Variants in SNTG1 observed in about 807,000 individuals in gnomAD.
SNTG1 encodes syntrophin gamma 1, also known as gamma-1-syntrophin.
A neutral mutation model predicts 74.7 loss-of-function variants in SNTG1; 39 were observed. That is an observed-to-expected ratio of 0.52 (90% CI 0.40 to 0.68). The LOEUF is 0.68. Among genes scored for constraint, SNTG1 ranks in the 30% least tolerant of loss-of-function variants. SNTG1 has a pLI of 0.00. For synonymous variants in SNTG1, 254 were observed against 217.1 expected, an observed-to-expected ratio of 1.17 and a Z score of -1.49; for missense variants, 685 against 609.5, an observed-to-expected ratio of 1.12 and a Z score of -1.30.
At position 50,119,767 on chromosome 8, in the gene SNTG1, G is replaced by A. The variant is rs527724244; in HGVS notation, c.-102-52794G>A. Reference sequence around the variant, plus strand: ...TACCCCTATCAGATGAGAAACTGAGGCATAGGGAAATTAAAGAAGTTGTTC... The same window carrying A: ...TACCCCTATCAGATGAGAAACTGAGACATAGGGAAATTAAAGAAGTTGTTC... On this transcript the variant is annotated intron_variant, in intron 1 of 18. Coordinates refer to ENST00000642720, the MANE Select transcript of SNTG1 (RefSeq NM_018967.5). Among the ~76,000 whole-genome samples, 129 of 141,314 alleles carry A rather than the reference G, an allele frequency of 9.1e-4. 9 individuals carry two copies. Among genetic ancestry groups the A allele is most frequent in the African/African-American group, 3.2e-3 (126 of 39,190 alleles). 92.7% of individuals were successfully genotyped at this position (141,314 alleles called of 152,430 possible).
chr8:50,638,570 T>C (rs906052779), intron 13 of SNTG1, among the ~76,000 whole-genome samples: 3 of 152,132 alleles, frequency 2.0e-5, no homozygotes, highest in African/African-American at 7.2e-5. Flanking sequence ...TGTGCCTCTA[T>C]GTCTTAACAG....
In SNTG1 at chr8:50,516,484, A is replaced by G. The variant is rs184298763; in HGVS notation, c.466+13604A>G. 7.2e-5 allele frequency among the ~76,000 whole-genome samples: 11 copies of G among 151,948 alleles called. No homozygotes were observed. In the East Asian group the frequency reaches 1.9e-3, roughly 27 times the overall value. On this transcript the variant is annotated intron_variant, in intron 9 of 18. Coordinates refer to ENST00000642720, the MANE Select transcript of SNTG1 (RefSeq NM_018967.5). ...AGTAGTAGTCTTCAGAAGGTGGGTA[A>G]TAACAAACTCCTCTGAGCTAAGGGA...
chr8:50,550,180 C>T (rs1015945501), intron 11 of SNTG1, among the ~76,000 whole-genome samples: 2 of 152,132 alleles, frequency 1.3e-5, no homozygotes, highest in African/African-American at 4.8e-5. Context: ...ACAAATCTAG[C>T]CACTCTGGCC....
At chr8:49,910,914 G>T (rs1173637589), upstream of SNTG1, 1 of 152,294 alleles carries the variant, frequency 6.6e-6, no homozygotes, top group Non-Finnish European at 1.5e-5. Context: ...TGGGCGACTC[G>T]CTAGCACTGC....
intron 15 of SNTG1, among the ~76,000 whole-genome samples, chr8:50,663,022 A>G (rs1252775145): frequency 3.3e-5 from 5 of 152,122 alleles, no homozygotes; most frequent in Admixed American, 1.3e-4. Flanking sequence ...GGCATTTTGG[A>G]GGAGGCTTTT....
At chr8:50,205,029 T>C (rs2084154360) in intron 2 of SNTG1, among the ~76,000 whole-genome samples, 1 of 152,194 alleles carries the variant, frequency 6.6e-6, no homozygotes, top group African/African-American at 2.4e-5. Context: ...GCAATAAACA[T>C]ACGTGTGCAT....
rs6472985 is a variant in SNTG1 at position 50,206,407 on chromosome 8, A to C, written c.-28+33772A>C. The stretch of plus-strand genomic sequence containing the variant: ...TGTGTAAGAATGCTTGTGATTTTTG[A>C]ACATTGATTTTGTATCCTGAGACTG... On this transcript the variant is annotated intron_variant, in intron 2 of 18. Coordinates refer to ENST00000642720, the MANE Select transcript of SNTG1 (RefSeq NM_018967.5). 9.9e-3 allele frequency among the ~76,000 whole-genome samples: 1,510 copies of C among 151,994 alleles called. 32 individuals are homozygous for C. The highest frequency in any genetic ancestry group is 0.035 in the African/African-American group (1,445 of 41,496).
At chr8:50,408,138 A>T (rs2092903133) in intron 4 of SNTG1, among the ~76,000 whole-genome samples, 2 of 152,212 alleles carry the variant, frequency 1.3e-5, no homozygotes, top group South Asian at 4.1e-4. Flanking sequence ...ATGTCTTAGC[A>T]GAAATCAGGT....
At chr8:50,058,187 C>A (rs1820186130) in intron 1 of SNTG1, among the ~76,000 whole-genome samples, 2 of 152,076 alleles carry the variant, frequency 1.3e-5, no homozygotes, top group Admixed American at 1.3e-4. Flanking sequence ...CCACCAGAGG[C>A]ACTTGTACCA....
intron 1 of SNTG1, among the ~76,000 whole-genome samples, chr8:50,009,864 T>C (rs1466069512): frequency 6.6e-6 from 1 of 152,034 alleles, no homozygotes; most frequent in South Asian, 2.1e-4. Flanking sequence ...CTGGGCACGG[T>C]GATGCATGCC....
At chr8:50,725,934 A>T (rs547291040) in intron 17 of SNTG1, among the ~76,000 whole-genome samples, 2 of 152,292 alleles carry the variant, frequency 1.3e-5, no homozygotes, top group South Asian at 4.2e-4. Flanking sequence ...TGACTGTAGG[A>T]TTGGCAAGGC....
chr8:50,462,319 T>TA (rs1229637606), intron 8 of SNTG1, among the ~76,000 whole-genome samples: 1 of 150,370 alleles, frequency 6.7e-6, no homozygotes, highest in East Asian at 2.0e-4. Context: ...ATAACTTAAT[T>TA]AAAAATATTT....
intron 17 of SNTG1, among the ~76,000 whole-genome samples, chr8:50,729,703 A>T (rs1180862719): frequency 6.6e-6 from 1 of 152,210 alleles, no homozygotes; most frequent in Non-Finnish European, 1.5e-5. Context: ...TACACTCAGG[A>T]CACACCTGTA....
At chr8:50,127,000 G>T (rs182265281) in intron 1 of SNTG1, among the ~76,000 whole-genome samples, 4 of 152,214 alleles carry the variant, frequency 2.6e-5, no homozygotes, top group African/African-American at 7.2e-5. Context: ...AGTTAAAATG[G>T]TTAAGAACCT....
chr8:50,530,523 T>C (rs962281753), intron 10 of SNTG1, among the ~76,000 whole-genome samples: 1 of 152,216 alleles, frequency 6.6e-6, no homozygotes, highest in Non-Finnish European at 1.5e-5. Flanking sequence ...TAATATACAA[T>C]CATTTTAGAA....
chr8:49,992,798 A>G lies in SNTG1; in HGVS notation c.-103+80567A>G, dbSNP rs78730733. ...TTATGTTTTATGTATTGCTTTAAGT[A>G]TTAATTTATAAAAATAGTTCAAAAT... On this transcript the variant is annotated intron_variant, in intron 1 of 18. Transcript: ENST00000642720. Among the ~76,000 whole-genome samples, 1,212 of 152,302 alleles carry G rather than the reference A, an allele frequency of 8.0e-3. 24 individuals are homozygous for G. The highest frequency in any genetic ancestry group is 0.028 in the African/African-American group (1,146 of 41,574).
chr8:50,538,487 GAC>G (rs960874110), intron 11 of SNTG1, among the ~76,000 whole-genome samples: 6 of 152,092 alleles, frequency 3.9e-5, no homozygotes, highest in African/African-American at 1.4e-4. Flanking sequence ...CTTTGGAGTT[GAC>G]AGTTCTTTTC....
At chr8:50,362,362 C>T (rs76954979) in intron 2 of SNTG1, among the ~76,000 whole-genome samples, 9 of 152,094 alleles carry the variant, frequency 5.9e-5, no homozygotes, top group Admixed American at 3.9e-4. Context: ...AATAAACTAA[C>T]GCTGTAGCTT....
intron 10 of SNTG1, among the ~76,000 whole-genome samples, chr8:50,533,201 G>T (rs190855612): frequency 2.0e-5 from 3 of 152,178 alleles, no homozygotes; most frequent in African/African-American, 7.2e-5. Flanking sequence ...TTTGTTCTGT[G>T]CTTACCAGAA....
Sources: allele counts gnomAD v4.1 joint callset (sites outside exome capture counted in the v4.1 genomes callset), GRCh38; gene constraint gnomAD v4.1.1; transcripts MANE v1.5; gene names NCBI Gene and HGNC (gene_info 2026-07-23, HGNC 2026-07-21).